Variants in PHKA1 observed in about 807,000 individuals in gnomAD.
The protein encoded by PHKA1 is phosphorylase kinase regulatory subunit alpha 1, also known as phosphorylase b kinase regulatory subunit alpha, skeletal muscle isoform.
In PHKA1, 60 loss-of-function variants were observed where a neutral mutation model predicts 110.2. That is an observed-to-expected ratio of 0.54 (90% CI 0.44 to 0.68). The LOEUF is 0.68. PHKA1 is among the 30% of genes least tolerant of loss of function. The probability of loss-of-function intolerance (pLI) is 0.00; values close to 1 mark genes in which losing one functional copy is unlikely to be tolerated. For missense variants in PHKA1, 801 were observed against 942.5 expected (o/e 0.85, Z 1.97); for synonymous variants, 316 against 333.6 (o/e 0.95, Z 0.58).
intron 16 of PHKA1, among the ~76,000 whole-genome samples, chrX:72,633,118 A>G (rs782275220): frequency 1.3e-4 from 15 of 111,791 alleles, no homozygotes; most frequent in Non-Finnish European, 2.4e-4. Flanking sequence ...GCTTCTTCAT[A>G]TAAAATGTCT....
intron 6 of PHKA1, among the ~76,000 whole-genome samples, chrX:72,672,143 T>G (rs1556309494): frequency 8.9e-6 from 1 of 111,786 alleles, no homozygotes; most frequent in East Asian, 2.8e-4. Flanking sequence ...TTGGACCTTT[T>G]GGAGTAGTGG....
In PHKA1 at chrX:72,603,180, C is replaced by G. The variant is rs782602098; in HGVS notation, c.2856G>C (p.Ser952=). The change falls in exon 26 of 32, where the codon TCG becomes TCC. Residue 952 remains serine, a synonymous_variant. Coordinates refer to ENST00000373542, the MANE Select transcript of PHKA1 (RefSeq NM_002637.4). ...TGTGATGCAGGAGATTCTTCATGGCCGAAGGACTGAGATTCATCAGGCCCT... is the reference window on the plus strand; with the variant it reads ...TGTGATGCAGGAGATTCTTCATGGCGGAAGGACTGAGATTCATCAGGCCCT... ...ATEGLMNLSP[S]AMKNLLHHIL... is the part of the protein sequence containing the mutation. 7.5e-6 allele frequency: 9 copies of G among 1,207,709 alleles called. No homozygotes were observed. The South Asian group carries it at 1.6e-4, about 21-fold the overall frequency.
intron 2 of PHKA1, among the ~76,000 whole-genome samples, chrX:72,708,454 T>C (rs1008190572): frequency 4.5e-5 from 5 of 111,183 alleles, no homozygotes; most frequent in Non-Finnish European, 9.4e-5. Context: ...GACCAACCCA[T>C]AGAGGGCCTT....
intron 21 of PHKA1, among the ~76,000 whole-genome samples, chrX:72,615,088 G>A (rs186510074): frequency 1.2e-3 from 138 of 111,572 alleles, no homozygotes; most frequent in Non-Finnish European, 1.6e-3. Flanking sequence ...CTTCTCAGCA[G>A]AACCCTTATA....
At chrX:72,642,062 G>GT (rs1556295620) in intron 14 of PHKA1, among the ~76,000 whole-genome samples, 1 of 112,153 alleles carries the variant, frequency 8.9e-6, no homozygotes, top group Non-Finnish European at 1.9e-5. Context: ...ATGAAAGAAC[G>GT]TATCAGGAAG....
At chrX:72,700,425 A>G (rs978938658) in intron 3 of PHKA1, among the ~76,000 whole-genome samples, 2 of 112,303 alleles carry the variant, frequency 1.8e-5, no homozygotes, top group Non-Finnish European at 3.8e-5. Context: ...TATTTGGTAT[A>G]AAAATTATAC....
At chrX:72,693,941 T>G (rs1159861339) in intron 4 of PHKA1, among the ~76,000 whole-genome samples, 1 of 112,058 alleles carries the variant, frequency 8.9e-6, no homozygotes, top group Non-Finnish European at 1.9e-5. Flanking sequence ...GGAGTAAATG[T>G]TTCTCTACCT....
At chrX:72,653,596 G>A in intron 10 of PHKA1, 66 bp from the exon 11 acceptor site, 1 of 722,504 alleles carries the variant, frequency 1.4e-6, no homozygotes, top group East Asian at 3.4e-5. Context: ...CCAGGAGAAG[G>A]TTGCAGCCAA....
chrX:72,698,201 A>G (rs1462271798), intron 3 of PHKA1, among the ~76,000 whole-genome samples: 1 of 110,390 alleles, frequency 9.1e-6, no homozygotes, highest in African/African-American at 3.3e-5. Flanking sequence ...AAAAAAAAAG[A>G]GGGGGTCTTT....
intron 5 of PHKA1, among the ~76,000 whole-genome samples, chrX:72,677,804 C>A (rs1242044444): frequency 1.8e-5 from 2 of 111,018 alleles, no homozygotes; most frequent in East Asian, 2.8e-4. Context: ...GCAATCCCAG[C>A]AATTTAGGAG....
intron 28 of PHKA1, among the ~76,000 whole-genome samples, chrX:72,597,454 C>G (rs2052605563): frequency 9.0e-6 from 1 of 111,433 alleles, no homozygotes; most frequent in Admixed American, 9.6e-5. Context: ...CAGGGTGACT[C>G]TACTGACAGA....
At chrX:72,619,613 G>A (rs970637302) in intron 19 of PHKA1, among the ~76,000 whole-genome samples, 1 of 111,898 alleles carries the variant, frequency 8.9e-6, no homozygotes, top group Non-Finnish European at 1.9e-5. Flanking sequence ...GATGGAATAC[G>A]ACATATAATA....
rs1556290787 is a variant in PHKA1, at chrX:72,635,163, C to T, written c.1706G>A (p.Ser569Asn). The T allele has an allele frequency of 1.7e-6, 2 of 1,210,202 alleles. No individual in the cohort carries two copies. The highest frequency in any genetic ancestry group is 3.5e-5 in the African/African-American group (2 of 57,301). Reference sequence around the variant, plus strand: ...CCTCATGCAGCCCTTACCAAGCATGCTGTGTGAGATGGGGAAGGTGATGGT... The same window carrying T: ...CCTCATGCAGCCCTTACCAAGCATGTTGTGTGAGATGGGGAAGGTGATGGT... ...QPTITFPISH[S>N]MLDEDGTSLN... Residue 569 changes from serine (S) to asparagine (N), a missense_variant, in exon 16 of 32, where the codon AGC becomes AAC. Coordinates refer to ENST00000373542, the MANE Select transcript of PHKA1 (RefSeq NM_002637.4).
chrX:72,613,419 G>T (rs1323096733), intron 21 of PHKA1, among the ~76,000 whole-genome samples: 1 of 109,318 alleles, frequency 9.1e-6, no homozygotes, highest in African/African-American at 3.3e-5. Flanking sequence ...AACACTGACT[G>T]CCCATGAGAA....
At chrX:72,600,151 G>C (rs1556240729) in intron 28 of PHKA1, among the ~76,000 whole-genome samples, 1 of 110,741 alleles carries the variant, frequency 9.0e-6, no homozygotes, top group Non-Finnish European at 1.9e-5. Flanking sequence ...AGACAGGCAG[G>C]TGAGGATGGA....
intron 8 of PHKA1, among the ~76,000 whole-genome samples, chrX:72,661,829 C>G (rs782067496): frequency 9.1e-6 from 1 of 109,560 alleles, no homozygotes; most frequent in East Asian, 2.9e-4. Context: ...AAAAAAGGAC[C>G]AAAACAACTA....
intron 29 of PHKA1, among the ~76,000 whole-genome samples, chrX:72,584,761 T>A (rs1556209106): frequency 9.0e-6 from 1 of 110,932 alleles, no homozygotes; most frequent in Admixed American, 9.6e-5. Context: ...GTTTTTTTTT[T>A]ATTATTATAC....
At chrX:72,626,062 G>A (rs1212176206) in intron 17 of PHKA1, among the ~76,000 whole-genome samples, 1 of 105,984 alleles carries the variant, frequency 9.4e-6, no homozygotes, top group Non-Finnish European at 1.9e-5. Flanking sequence ...AAGCATGTGT[G>A]TACATGTGTG....
chrX:72,710,152 T>C (rs781866087), intron 2 of PHKA1, among the ~76,000 whole-genome samples: 1 of 111,748 alleles, frequency 8.9e-6, no homozygotes. Context: ...AATTAAGTTT[T>C]ATTCAAACAT....
Sources: gnomAD v4.1 joint callset for allele counts (sites outside exome capture counted in the v4.1 genomes callset) on GRCh38, gnomAD v4.1.1 for gene constraint, MANE v1.5 for transcripts, NCBI Gene and HGNC (gene_info 2026-07-23, HGNC 2026-07-21) for gene names.